The following PTPRM variants were observed in gnomAD, a reference collection of about 807,000 sequenced individuals.
PTPRM encodes receptor-type tyrosine-protein phosphatase mu.
PTPRM carries 47 observed loss-of-function variants against 186.7 expected under a neutral mutation model. The ratio of observed to expected loss-of-function variants is 0.25; its 90% CI spans 0.20 to 0.32. The LOEUF is 0.32. PTPRM is among the 10% of genes least tolerant of loss of function. PTPRM has a pLI of 1.00. For missense variants in PTPRM, 1,494 were observed against 1,865.0 expected (o/e 0.80, Z 3.66); for synonymous variants, 668 against 674.9 (o/e 0.99, Z 0.16).
In PTPRM at chr18:8,228,830, C is replaced by T. The variant is rs145530383; in HGVS notation, c.2301-15228C>T. ...ATCACACCACCGCACTCCAGCCTGG[C>T]GACACAGCAAGACTCCGTCTCAAAA... On this transcript the variant is annotated intron_variant, in intron 14 of 32. Transcript: ENST00000580170. Among the ~76,000 whole-genome samples the T allele has an allele frequency of 4.9e-3, 748 of 151,866 alleles. 11 individuals are homozygous for T. Among genetic ancestry groups the T allele is most frequent in the African/African-American group, 0.014 (586 of 41,428 alleles).
At chr18:7,937,832 G>A (rs1291696971) in intron 5 of PTPRM, among the ~76,000 whole-genome samples, 1 of 152,176 alleles carries the variant, frequency 6.6e-6, no homozygotes, top group African/African-American at 2.4e-5. Context: ...CACATTTGAT[G>A]TGTTTCAGTC....
At chr18:8,046,218 T>G (rs2087043041) in intron 7 of PTPRM, among the ~76,000 whole-genome samples, 1 of 152,206 alleles carries the variant, frequency 6.6e-6, no homozygotes, top group Admixed American at 6.5e-5. Flanking sequence ...CATGCAGAAT[T>G]ATGAGTCAAT....
chr18:7,731,332 G>A (rs2040654579), intron 1 of PTPRM, among the ~76,000 whole-genome samples: 1 of 152,114 alleles, frequency 6.6e-6, no homozygotes, highest in South Asian at 2.1e-4. Context: ...AGTATTCTTA[G>A]GATGCAATGG....
chr18:7,804,396 G>A (rs139636012), intron 2 of PTPRM, among the ~76,000 whole-genome samples: 2,578 of 152,260 alleles, frequency 0.017, 65 homozygotes, highest in African/African-American at 0.058. Context: ...TGACTACCCT[G>A]CTATTCAGGC....
At chr18:7,601,333 C>A (rs1399384220) in intron 1 of PTPRM, among the ~76,000 whole-genome samples, 1 of 152,234 alleles carries the variant, frequency 6.6e-6, no homozygotes, top group Non-Finnish European at 1.5e-5. Flanking sequence ...GTATGAGTCA[C>A]TACTCTCCCC....
chr18:7,873,907 G>A (rs572837271), intron 2 of PTPRM, among the ~76,000 whole-genome samples: 3 of 152,184 alleles, frequency 2.0e-5, no homozygotes, highest in Admixed American at 2.0e-4. Flanking sequence ...AATCTGACTT[G>A]TAGGACTCTC....
intron 1 of PTPRM, among the ~76,000 whole-genome samples, chr18:7,586,520 G>A (rs2036983603): frequency 6.6e-6 from 1 of 152,152 alleles, no homozygotes; most frequent in Non-Finnish European, 1.5e-5. Context: ...AGCAAAACCA[G>A]GGCTAGATAC....
chr18:7,973,989 G>A (rs1373286493), intron 7 of PTPRM, among the ~76,000 whole-genome samples: 2 of 151,722 alleles, frequency 1.3e-5, no homozygotes, highest in East Asian at 1.9e-4. Context: ...AGACTTGAGG[G>A]GAAGACTCCA....
At chr18:7,580,654 T>G (rs1322948431) in intron 1 of PTPRM, among the ~76,000 whole-genome samples, 1 of 152,198 alleles carries the variant, frequency 6.6e-6, no homozygotes, top group Non-Finnish European at 1.5e-5. Flanking sequence ...ATTCTCAAAC[T>G]TATTGCCCCC....
chr18:8,277,057 C>T (rs1046373025), intron 19 of PTPRM, among the ~76,000 whole-genome samples: 2 of 152,024 alleles, frequency 1.3e-5, no homozygotes, highest in Non-Finnish European at 2.9e-5. Flanking sequence ...CTGCCTCAGC[C>T]CCCTGAGTAG....
At chr18:8,311,781 G>C (rs749642496) in intron 20 of PTPRM, among the ~76,000 whole-genome samples, 2 of 152,148 alleles carry the variant, frequency 1.3e-5, no homozygotes, top group Non-Finnish European at 1.5e-5. Context: ...TGTAGGAGAT[G>C]ATGGTAAAAC....
chr18:7,716,414 G>A (rs1207508133), intron 1 of PTPRM, among the ~76,000 whole-genome samples: 1 of 152,132 alleles, frequency 6.6e-6, no homozygotes. Context: ...TACCATTCAG[G>A]ACAGAGGCAT....
chr18:7,974,117 T>G (rs1267255814), intron 7 of PTPRM, among the ~76,000 whole-genome samples: 1 of 152,160 alleles, frequency 6.6e-6, no homozygotes, highest in African/African-American at 2.4e-5. Context: ...GCAGGCAGCA[T>G]GTGACCACAG....
chr18:7,572,784 T>C (rs938819879), intron 1 of PTPRM, among the ~76,000 whole-genome samples: 1 of 152,218 alleles, frequency 6.6e-6, no homozygotes, highest in African/African-American at 2.4e-5. Context: ...GAATATAACA[T>C]GCATGTTAAT....
intron 20 of PTPRM, among the ~76,000 whole-genome samples, chr18:8,311,161 T>C (rs969694230): frequency 6.6e-6 from 1 of 151,926 alleles, no homozygotes; most frequent in African/African-American, 2.4e-5. Context: ...ATATAAAAAT[T>C]AGCCAGGCGT....
At chr18:8,278,124 A>G (rs1270043237) in intron 19 of PTPRM, among the ~76,000 whole-genome samples, 2 of 152,242 alleles carry the variant, frequency 1.3e-5, no homozygotes, top group African/African-American at 4.8e-5. Flanking sequence ...TATGTCACCT[A>G]AGAAACTACC....
At chr18:8,079,930 T>C (rs1019228948) in intron 9 of PTPRM, among the ~76,000 whole-genome samples, 10 of 151,544 alleles carry the variant, frequency 6.6e-5, no homozygotes, top group Non-Finnish European at 1.3e-4. Flanking sequence ...TACGTAGTAA[T>C]AAGAAAAAAA....
chr18:7,669,155 G>A (rs1482596243), intron 1 of PTPRM, among the ~76,000 whole-genome samples: 1 of 152,048 alleles, frequency 6.6e-6, no homozygotes, highest in Non-Finnish European at 1.5e-5. Context: ...GAAAGGGCAG[G>A]GAGATGTGAA....
chr18:7,962,844 G>A (rs1287647700), intron 7 of PTPRM, among the ~76,000 whole-genome samples: 2 of 152,204 alleles, frequency 1.3e-5, no homozygotes, highest in African/African-American at 4.8e-5. Context: ...AATTATCACT[G>A]GCATTGCAAT....
Sources: allele counts gnomAD v4.1 joint callset (sites outside exome capture counted in the v4.1 genomes callset), GRCh38; gene constraint gnomAD v4.1.1; transcripts MANE v1.5; gene names NCBI Gene and HGNC (gene_info 2026-07-23, HGNC 2026-07-21).